The following NRXN3 variants were observed in gnomAD, a reference collection of about 807,000 sequenced individuals.
NRXN3 encodes the protein neurexin III.
In NRXN3, 32 loss-of-function variants were observed where a neutral mutation model predicts 137.6. The observed-to-expected ratio is 0.23, with a 90% CI of 0.18 to 0.31. The LOEUF (loss-of-function observed/expected upper bound fraction) is 0.31, where lower values mean the gene tolerates loss of function less well. Ranked by LOEUF, NRXN3 falls within the 10% of genes least tolerant of loss-of-function variation. The probability of loss-of-function intolerance (pLI) is 1.00; values close to 1 mark genes in which losing one functional copy is unlikely to be tolerated. For synonymous variants in NRXN3, 798 were observed against 784.5 expected, an observed-to-expected ratio of 1.02 and a Z score of -0.29; for missense variants, 1,574 against 2,062.5, an observed-to-expected ratio of 0.76 and a Z score of 4.59.
chr14:78,335,975 T>G (rs923356271), intron 4 of NRXN3, among the ~76,000 whole-genome samples: 1 of 152,124 alleles, frequency 6.6e-6, no homozygotes, highest in African/African-American at 2.4e-5. Flanking sequence ...AAAAAGGAAC[T>G]CCACAAAGTA....
intron 15 of NRXN3, among the ~76,000 whole-genome samples, chr14:79,437,637 T>C (rs1600278120): frequency 6.6e-6 from 1 of 152,308 alleles, no homozygotes; most frequent in Middle Eastern, 3.4e-3. Context: ...CTCCTGAACA[T>C]GGCATGGCTG....
chr14:78,711,987 A>G (rs1190180182), intron 7 of NRXN3, among the ~76,000 whole-genome samples: 2 of 152,204 alleles, frequency 1.3e-5, no homozygotes, highest in African/African-American at 4.8e-5. Context: ...GAAGAATAAT[A>G]TAACAAACAG....
chr14:78,577,239 A>G (rs1040543569), intron 4 of NRXN3, among the ~76,000 whole-genome samples: 5 of 152,212 alleles, frequency 3.3e-5, no homozygotes, highest in African/African-American at 1.2e-4. Context: ...TGCTGCCTAC[A>G]CCAGCAGTAA....
At position 78,266,745 on chromosome 14, in the gene NRXN3, A is replaced by G. The variant is rs563537284; in HGVS notation, c.710-11900A>G. Among the ~76,000 whole-genome samples, 4 of 152,348 alleles carry G rather than the reference A, an allele frequency of 2.6e-5. No homozygotes were observed. In the East Asian group the frequency reaches 7.7e-4, roughly 29 times the overall value. The stretch of plus-strand genomic sequence containing the variant: ...ATGCATGGGCCTCAGACTCAAAAAA[A>G]GATTCTTTTAGGTCCAGAGCTTTAC... On this transcript the variant is annotated intron_variant, in intron 2 of 20. Transcript: ENST00000335750.
At chr14:79,394,741 A>C (rs772047018) in intron 15 of NRXN3, among the ~76,000 whole-genome samples, 9 of 152,250 alleles carry the variant, frequency 5.9e-5, no homozygotes. Context: ...TATTTTTAAA[A>C]GTATCCCAGG....
intron 16 of NRXN3, among the ~76,000 whole-genome samples, chr14:79,588,794 T>C (rs1296180616): frequency 1.3e-5 from 2 of 152,218 alleles, no homozygotes; most frequent in African/African-American, 4.8e-5. Context: ...TTTTAATTTT[T>C]GTGGATACAC....
chr14:79,848,888 C>A (rs1447487247), intron 20 of NRXN3, among the ~76,000 whole-genome samples: 2 of 152,200 alleles, frequency 1.3e-5, no homozygotes, highest in Admixed American at 6.5e-5. Context: ...TTCAACCTTT[C>A]CACTTTGATA....
Position 78,912,094 on chromosome 14 carries a change from C to T in NRXN3, c.2276-45148C>T, listed in dbSNP as rs548722408. On this transcript the variant is annotated intron_variant, in intron 10 of 20. Transcript: ENST00000335750. ...CTGCCCCCCATCCCACAACAGTCCCCGGTGTGTGATGTTCCCCTTCCTGTG... is the reference window on the plus strand; with the variant it reads ...CTGCCCCCCATCCCACAACAGTCCCTGGTGTGTGATGTTCCCCTTCCTGTG... 1.8e-4 allele frequency among the ~76,000 whole-genome samples: 27 copies of T among 151,508 alleles called. No individual in the cohort carries two copies. The Middle Eastern group carries it at 0.01, about 57-fold the overall frequency.
intron 4 of NRXN3, among the ~76,000 whole-genome samples, chr14:78,335,894 G>A (rs1048185611): frequency 1.1e-4 from 16 of 152,188 alleles, no homozygotes; most frequent in African/African-American, 3.1e-4. Flanking sequence ...AGAGAGCATC[G>A]CTAAGGTAAC....
At chr14:79,075,913 C>T (rs567517863) in intron 15 of NRXN3, among the ~76,000 whole-genome samples, 16 of 152,138 alleles carry the variant, frequency 1.1e-4, no homozygotes, top group Non-Finnish European at 2.4e-4. Flanking sequence ...TGGCCGTTTG[C>T]CCAATTAAGC....
chr14:79,065,921 C>A (rs985600790), intron 15 of NRXN3, among the ~76,000 whole-genome samples: 1 of 152,046 alleles, frequency 6.6e-6, no homozygotes, highest in African/African-American at 2.4e-5. Flanking sequence ...AGATATTAAG[C>A]CTGGCATCCA....
rs188946514 is a variant in NRXN3 at position 78,214,189 on chromosome 14, G to A, written c.-703-28202G>A. ...TGCTTTCCTCCCTGTCCCTGTTCCA[G>A]CCCCACTGGCCTTTCAGTCTCTTGC... On this transcript the variant is annotated intron_variant, in intron 1 of 20. Transcript: ENST00000335750. 1.9e-4 allele frequency among the ~76,000 whole-genome samples: 29 copies of A among 152,216 alleles called. 1 individual carries two copies. Among genetic ancestry groups the A allele is most frequent in the Admixed American group, 1.8e-3 (27 of 15,296 alleles).
chr14:78,783,845 G>C (rs1012161828), intron 8 of NRXN3, among the ~76,000 whole-genome samples: 3 of 152,014 alleles, frequency 2.0e-5, no homozygotes, highest in Admixed American at 2.0e-4. Flanking sequence ...GGAAAAGGGT[G>C]GTCATCTTAC....
chr14:79,514,628 C>T (rs550926461), intron 16 of NRXN3, among the ~76,000 whole-genome samples: 1 of 152,150 alleles, frequency 6.6e-6, no homozygotes, highest in African/African-American at 2.4e-5. Context: ...TGAATTTAAT[C>T]AATTTTAATT....
intron 1 of NRXN3, among the ~76,000 whole-genome samples, chr14:78,181,856 A>G (rs2059837631): frequency 6.6e-6 from 1 of 152,014 alleles, no homozygotes; most frequent in Non-Finnish European, 1.5e-5. Context: ...CTAATATTCT[A>G]TTCACTTTTT....
intron 3 of NRXN3, chr14:78,282,419 G>T (rs574471978): frequency 2.8e-5 from 8 of 285,684 alleles, no homozygotes; most frequent in Admixed American, 8.7e-5. Flanking sequence ...TGTTTATGGT[G>T]CTCCAATGAC....
At chr14:78,704,021 A>G (rs1594931437) in intron 6 of NRXN3, among the ~76,000 whole-genome samples, 1 of 152,318 alleles carries the variant, frequency 6.6e-6, no homozygotes, top group East Asian at 1.9e-4. Context: ...GGCATTTACA[A>G]CAGAACACGT....
At chr14:78,986,558 C>T (rs1320121904) in intron 14 of NRXN3, among the ~76,000 whole-genome samples, 2 of 152,014 alleles carry the variant, frequency 1.3e-5, no homozygotes, top group African/African-American at 2.4e-5. Flanking sequence ...GGTAAATTTA[C>T]TTGTAAGTTA....
chr14:78,890,472 T>C (rs1198063128), intron 10 of NRXN3, among the ~76,000 whole-genome samples: 1 of 151,844 alleles, frequency 6.6e-6, no homozygotes, highest in African/African-American at 2.4e-5. Context: ...TAGGTGGCCA[T>C]TTCATGAAAC....
Sources: allele counts gnomAD v4.1 joint callset (sites outside exome capture counted in the v4.1 genomes callset), GRCh38; gene constraint gnomAD v4.1.1; transcripts MANE v1.5; gene names NCBI Gene and HGNC (gene_info 2026-07-23, HGNC 2026-07-21).